The following NKAIN1 variants were observed in gnomAD, a reference collection of about 807,000 sequenced individuals.
The protein encoded by NKAIN1 is sodium/potassium-transporting ATPase subunit beta-1-interacting protein 1.
A neutral mutation model predicts 31.6 loss-of-function variants in NKAIN1; 13 were observed. That is an observed-to-expected ratio of 0.41 (90% CI 0.27 to 0.65). NKAIN1 has a LOEUF of 0.65. NKAIN1 is among the 30% of genes least tolerant of loss of function. NKAIN1 has a pLI of 0.30. For missense variants in NKAIN1, 193 were observed against 262.2 expected, an observed-to-expected ratio of 0.74 and a Z score of 1.82; for synonymous variants, 104 against 109.0, an observed-to-expected ratio of 0.95 and a Z score of 0.28.
chr1:31,197,473 C>A (rs1213106418), intron 1 of NKAIN1, among the ~76,000 whole-genome samples: 2 of 150,614 alleles, frequency 1.3e-5, no homozygotes, highest in African/African-American at 4.9e-5. Flanking sequence ...GTCTCAAACT[C>A]CTGACCTTGT....
At chr1:31,190,217 G>C (rs750605405) in intron 1 of NKAIN1, among the ~76,000 whole-genome samples, 1 of 152,186 alleles carries the variant, frequency 6.6e-6, no homozygotes, top group Non-Finnish European at 1.5e-5. Context: ...AGATGGCAAG[G>C]CTTGGGCAGA....
rs557351083 is a variant in NKAIN1, at chr1:31,205,496, A to T, written c.55-17309T>A. 4.6e-5 allele frequency among the ~76,000 whole-genome samples: 7 copies of T among 151,740 alleles called. No homozygotes were observed. The East Asian group carries it at 1.4e-3, about 29-fold the overall frequency. The stretch of plus-strand genomic sequence containing the variant: ...GATAATTTTTGTATTTTTAGTAGAG[A>T]TGGGGTTTCACTATGTTGGCCAGAC... On this transcript the variant is annotated intron_variant, in intron 1 of 6. Transcript: ENST00000373736.
chr1:31,195,267 C>T (rs770118685), intron 1 of NKAIN1, among the ~76,000 whole-genome samples: 1 of 151,544 alleles, frequency 6.6e-6, no homozygotes, highest in Admixed American at 6.6e-5. Flanking sequence ...TACAGGCACC[C>T]GCCACCATGC....
At chr1:31,196,997 T>C (rs1191307323) in intron 1 of NKAIN1, among the ~76,000 whole-genome samples, 5 of 152,126 alleles carry the variant, frequency 3.3e-5, no homozygotes, top group Non-Finnish European at 5.9e-5. Flanking sequence ...ATCTTCCTCA[T>C]AGGGTTGCAA....
At chr1:31,237,350 T>C (rs898206749) in intron 1 of NKAIN1, among the ~76,000 whole-genome samples, 35 of 152,030 alleles carry the variant, frequency 2.3e-4, no homozygotes, top group Non-Finnish European at 4.4e-5. Flanking sequence ...ATTAAATGAG[T>C]TAATACCTGG....
In NKAIN1 at chr1:31,194,205, A is replaced by G. The variant is rs80123300; in HGVS notation, c.55-6018T>C. Among the ~76,000 whole-genome samples, 637 of 152,192 alleles carry G rather than the reference A, an allele frequency of 4.2e-3. 37 individuals carry two copies. The East Asian group carries it at 0.099, about 24-fold the overall frequency. ...ACACAGAATGAGCCCCCTGACTGTA[A>G]TCCCAGAGTGACAGATGAGAACATG... On this transcript the variant is annotated intron_variant, in intron 1 of 6. Transcript: ENST00000373736.
At chr1:31,188,018 G>A (rs367908461) in intron 2 of NKAIN1, 32 bp downstream of exon 2, 22 of 1,546,964 alleles carry the variant, frequency 1.4e-5, no homozygotes, top group Admixed American at 2.0e-5. Context: ...GAGGAGAGGA[G>A]TTGGCTTGGG....
At chr1:31,183,474 G>A (rs1553161536) in intron 4 of NKAIN1, among the ~76,000 whole-genome samples, 1 of 101,024 alleles carries the variant, frequency 9.9e-6, no homozygotes, top group Non-Finnish European at 1.8e-5. Context: ...TTTTTATGGA[G>A]TTTCGCTCTT....
rs68130525 is a variant in NKAIN1 at position 31,214,012 on chromosome 1, AAATTAATT to A, written c.54+25474_54+25481del. Among the ~76,000 whole-genome samples the A allele has an allele frequency of 2.1e-3, 45 of 21,932 alleles. 1 individual carries two copies. The highest frequency in any genetic ancestry group is 7.5e-3 in the Non-Finnish European group (35 of 4,692). The allele number at this position is 21,932 out of a possible 152,430, so 14.4% of individuals were successfully genotyped here. On this transcript the variant is annotated intron_variant, in intron 1 of 6. Coordinates refer to ENST00000373736, the MANE Select transcript of NKAIN1 (RefSeq NM_024522.3). Reference sequence around the variant, plus strand: ...CTGTCTCAAAAAAAGAATAAAATAAAAATTAATTAATTAATTAATTAATTAATTAAACA... The same window carrying A: ...CTGTCTCAAAAAAAGAATAAAATAAAAATTAATTAATTAATTAATTAAACA...
chr1:31,231,577 C>T (rs976582358), intron 1 of NKAIN1, among the ~76,000 whole-genome samples: 26 of 152,312 alleles, frequency 1.7e-4, no homozygotes, highest in African/African-American at 6.0e-4. Flanking sequence ...GTCACCCAGG[C>T]TGGAGTGCAG....
At position 31,239,745 on chromosome 1, in the gene NKAIN1, C is replaced by G. The variant is rs925481278; in HGVS notation, c.-198G>C. ...CCGCGCTCCGAGTCCATGGTCCGTC[C>G]GTCCGCGCGCTGGCCCCGCCGAGCC... On this transcript the variant is annotated 5_prime_UTR_variant, in exon 1 of 7. Transcript: ENST00000373736. This position sits in a 1 kb window ranked among gnomAD's most constrained non-coding sequence, Gnocchi z 4.8. 2.6e-5 allele frequency among the ~76,000 whole-genome samples: 4 copies of G among 151,034 alleles called. No homozygotes were observed. Among genetic ancestry groups the G allele is most frequent in the Non-Finnish European group, 4.4e-5 (3 of 67,616 alleles).
intron 1 of NKAIN1, among the ~76,000 whole-genome samples, chr1:31,207,590 C>T (rs1645434488): frequency 6.6e-6 from 1 of 152,094 alleles, no homozygotes; most frequent in African/African-American, 2.4e-5. Flanking sequence ...AGCTGCCTGA[C>T]CCCCCTGCCC....
chr1:31,212,802 C>A (rs1273895497), intron 1 of NKAIN1, among the ~76,000 whole-genome samples: 1 of 152,006 alleles, frequency 6.6e-6, no homozygotes, highest in African/African-American at 2.4e-5. Flanking sequence ...AGATCAAGAC[C>A]ATCCTGGCTA....
chr1:31,192,518 C>T (rs569785923), intron 1 of NKAIN1, among the ~76,000 whole-genome samples: 2 of 152,116 alleles, frequency 1.3e-5, no homozygotes, highest in Admixed American at 6.5e-5. Context: ...TGGAAAAGGC[C>T]GTCTCTTCCT....
At chr1:31,200,613 C>G (rs1165638847) in intron 1 of NKAIN1, among the ~76,000 whole-genome samples, 1 of 151,614 alleles carries the variant, frequency 6.6e-6, no homozygotes, top group Non-Finnish European at 1.5e-5. Flanking sequence ...AGCTGCCACC[C>G]ACACTTGGCT....
At position 31,239,420 on chromosome 1, in the gene NKAIN1, C is replaced by A. The variant is rs896632111; in HGVS notation, c.54+74G>T. On this transcript the variant is annotated intron_variant, in intron 1 of 6. Coordinates refer to ENST00000373736, the MANE Select transcript of NKAIN1 (RefSeq NM_024522.3). This position sits in a 1 kb window ranked among gnomAD's most constrained non-coding sequence, Gnocchi z 4.8. The stretch of plus-strand genomic sequence containing the variant: ...ACACACACACAGAGACACACGCAAC[C>A]CCACCCGCACGCCCTGGGACCGCGC... 5.8e-6 allele frequency: 7 copies of A among 1,202,052 alleles called. No individual in the cohort carries two copies. The African/African-American group carries it at 1.1e-4, about 19-fold the overall frequency. The allele number at this position is 1,202,052 out of a possible 1,614,324, so 74.5% of individuals were successfully genotyped here.
rs1645422666 is a variant in NKAIN1 at position 31,206,237 on chromosome 1, A to AAAATAAATACATAAATAAATAAAT, written c.55-18051_55-18050insATTTATTTATTTATGTATTTATTT. 4.6e-5 allele frequency among the ~76,000 whole-genome samples: 6 copies of AAAATAAATACATAAATAAATAAAT among 130,812 alleles called. No individual in the cohort carries two copies. In the Admixed American group the frequency reaches 4.9e-4, roughly 11 times the overall value. 85.8% of individuals were successfully genotyped at this position (130,812 alleles called of 152,430 possible). On this transcript the variant is annotated intron_variant, in intron 1 of 6. Transcript: ENST00000373736. ...GCAACAAGAGCAAAACTCCATCTCAAAAATAAATAAATAAATAAAATAAAA... is the reference window on the plus strand; with the variant it reads ...GCAACAAGAGCAAAACTCCATCTCAAAAATAAATACATAAATAAATAAATAAATAAATAAATAAATAAAATAAAA...
At chr1:31,211,603 CT>C (rs35958405) in intron 1 of NKAIN1, among the ~76,000 whole-genome samples, 79 of 146,610 alleles carry the variant, frequency 5.4e-4, no homozygotes, top group East Asian at 1.4e-3. Flanking sequence ...TTCCAACTAC[CT>C]TTTTTTTTTT....
At chr1:31,195,519 G>A (rs1340353923) in intron 1 of NKAIN1, among the ~76,000 whole-genome samples, 1 of 151,874 alleles carries the variant, frequency 6.6e-6, no homozygotes, top group African/African-American at 2.4e-5. Context: ...GTCTTCTCAG[G>A]AGCCCACACC....
Sources: gnomAD v4.1 joint callset for allele counts (sites outside exome capture counted in the v4.1 genomes callset) on GRCh38, gnomAD v4.1.1 for gene constraint, Gnocchi (gnomAD v3.1) non-coding constraint, MANE v1.5 for transcripts, NCBI Gene and HGNC (gene_info 2026-07-23, HGNC 2026-07-21) for gene names.